The following ANO4 variants were observed in gnomAD, a reference collection of about 807,000 sequenced individuals.
ANO4 encodes anoctamin-4.
In ANO4, 69 loss-of-function variants were observed where a neutral mutation model predicts 141.9. The ratio of observed to expected loss-of-function variants is 0.49; its 90% CI spans 0.40 to 0.59. The LOEUF (loss-of-function observed/expected upper bound fraction) is 0.59. Among genes scored for constraint, ANO4 ranks in the 20% least tolerant of loss-of-function variants. The pLI is 0.00. For missense variants in ANO4, 894 were observed against 1,162.2 expected, an observed-to-expected ratio of 0.77 and a Z score of 3.36; for synonymous variants, 350 against 394.3, an observed-to-expected ratio of 0.89 and a Z score of 1.33.
chr12:101,010,402 A>G (rs2046036803), intron 8 of ANO4, among the ~76,000 whole-genome samples: 1 of 152,252 alleles, frequency 6.6e-6, no homozygotes, highest in African/African-American at 2.4e-5. Context: ...TTTACATTTC[A>G]GTAACCTGTC....
At chr12:100,726,904 T>TACAC (rs147165877) in intron 1 of ANO4, among the ~76,000 whole-genome samples, 3 of 150,848 alleles carry the variant, frequency 2.0e-5, no homozygotes, top group South Asian at 2.1e-4. Flanking sequence ...TGGTAATTTA[T>TACAC]ACACACACAC....
chr12:100,912,884 A>G (rs765835183), intron 2 of ANO4, among the ~76,000 whole-genome samples: 4 of 152,220 alleles, frequency 2.6e-5, no homozygotes, highest in Non-Finnish European at 5.9e-5. Context: ...TGCCTTTCAG[A>G]ACAGTTAGTG....
At chr12:100,869,536 T>C (rs2038931303) in intron 1 of ANO4, among the ~76,000 whole-genome samples, 1 of 152,150 alleles carries the variant, frequency 6.6e-6, no homozygotes, top group African/African-American at 2.4e-5. Flanking sequence ...GTTATCAGGG[T>C]CACATTCCCT....
At chr12:100,896,505 T>C (rs2040362819) in intron 1 of ANO4, among the ~76,000 whole-genome samples, 1 of 152,130 alleles carries the variant, frequency 6.6e-6, no homozygotes, top group Non-Finnish European at 1.5e-5. Flanking sequence ...TGCACTTCTG[T>C]GGAAACAGGG....
chr12:100,990,890 G>A (rs1164446828), intron 8 of ANO4, among the ~76,000 whole-genome samples: 1 of 152,168 alleles, frequency 6.6e-6, no homozygotes, highest in African/African-American at 2.4e-5. Context: ...AGGATGGAGT[G>A]TTTTGAGGAA....
At chr12:100,803,643 G>T (rs2034825568) in intron 1 of ANO4, among the ~76,000 whole-genome samples, 1 of 152,108 alleles carries the variant, frequency 6.6e-6, no homozygotes, top group South Asian at 2.1e-4. Flanking sequence ...GGGCTCTGGG[G>T]CAGACATTGT....
chr12:101,025,655 A>G (rs963204163), intron 9 of ANO4, among the ~76,000 whole-genome samples: 1 of 152,240 alleles, frequency 6.6e-6, no homozygotes, highest in Non-Finnish European at 1.5e-5. Context: ...AATACTCAGA[A>G]AAGTCTTTCC....
intron 16 of ANO4, among the ~76,000 whole-genome samples, chr12:101,084,713 C>A (rs890279031): frequency 6.6e-6 from 1 of 152,184 alleles, no homozygotes; most frequent in Non-Finnish European, 1.5e-5. Context: ...TGCTTTTAAG[C>A]AACTGTGTCA....
intron 14 of ANO4, among the ~76,000 whole-genome samples, chr12:101,062,742 G>C (rs1340682525): frequency 6.6e-6 from 1 of 152,200 alleles, no homozygotes; most frequent in Non-Finnish European, 1.5e-5. Flanking sequence ...CCCCCACCAA[G>C]CTTGAGCATC....
chr12:100,965,981 A>G (rs539310523), intron 5 of ANO4, among the ~76,000 whole-genome samples: 341 of 152,216 alleles, frequency 2.2e-3, no homozygotes, highest in Middle Eastern at 3.4e-3. Flanking sequence ...CACTTAATGA[A>G]CATTTTTGGG....
At chr12:100,857,487 G>A (rs1480168943) in intron 1 of ANO4, among the ~76,000 whole-genome samples, 1 of 152,082 alleles carries the variant, frequency 6.6e-6, no homozygotes, top group Non-Finnish European at 1.5e-5. Flanking sequence ...AAGGCACAGA[G>A]CATGTAATTA....
Position 100,900,257 on chromosome 12 carries a change from C to T in ANO4, c.-140-1389C>T, listed in dbSNP as rs61947081. 4.4e-3 allele frequency among the ~76,000 whole-genome samples: 662 copies of T among 151,968 alleles called. 3 individuals are homozygous for T. Among genetic ancestry groups the T allele is most frequent in the South Asian group, 0.011 (51 of 4,806 alleles). ...TCTCCCTACTTCCTTCTCTCTCTCT[C>T]CCTCTCCCACCCTCCCTCCTTCTTT... On this transcript the variant is annotated intron_variant, in intron 1 of 27. Coordinates refer to ENST00000392977, the MANE Select transcript of ANO4 (RefSeq NM_001286615.2).
intron 2 of ANO4, among the ~76,000 whole-genome samples, chr12:100,737,367 C>A (rs547097126): frequency 4.5e-4 from 68 of 152,198 alleles, no homozygotes; most frequent in Non-Finnish European, 8.7e-4. Context: ...GGCCATTGCT[C>A]TAGGAGCTGA....
intron 3 of ANO4, among the ~76,000 whole-genome samples, chr12:100,759,483 A>G (rs772576019): frequency 5.3e-5 from 8 of 152,132 alleles, no homozygotes; most frequent in Non-Finnish European, 1.2e-4. Context: ...GGATATCAAG[A>G]GGGACTGGGC....
chr12:100,784,086 C>T (rs2033790173), intron 3 of ANO4, among the ~76,000 whole-genome samples: 1 of 152,150 alleles, frequency 6.6e-6, no homozygotes, highest in South Asian at 2.1e-4. Flanking sequence ...TTGTATTTTG[C>T]TTAACCCCTT....
intron 3 of ANO4, among the ~76,000 whole-genome samples, chr12:100,742,794 A>G (rs1297095043): frequency 1.3e-5 from 2 of 152,176 alleles, no homozygotes; most frequent in African/African-American, 4.8e-5. Flanking sequence ...TGTGTTCGCT[A>G]TTGTCACCAT....
At chr12:100,959,247 G>T (rs1029410574) in intron 5 of ANO4, among the ~76,000 whole-genome samples, 1 of 152,042 alleles carries the variant, frequency 6.6e-6, no homozygotes, top group African/African-American at 2.4e-5. Context: ...GTGCTGTCGC[G>T]GGAGCTCTCC....
chr12:100,997,127 A>C (rs1326572191), intron 8 of ANO4, among the ~76,000 whole-genome samples: 1 of 152,070 alleles, frequency 6.6e-6, no homozygotes, highest in African/African-American at 2.4e-5. Flanking sequence ...CGAGGTCAGC[A>C]GTTTGAGACC....
intron 1 of ANO4, among the ~76,000 whole-genome samples, chr12:100,819,047 G>A (rs113082809): frequency 9.1e-5 from 12 of 131,202 alleles, no homozygotes; most frequent in East Asian, 2.1e-4. Flanking sequence ...ATATATATAT[G>A]TGTATATATA....
Sources: gnomAD v4.1 joint callset for allele counts (sites outside exome capture counted in the v4.1 genomes callset) on GRCh38, gnomAD v4.1.1 for gene constraint, MANE v1.5 for transcripts, NCBI Gene and HGNC (gene_info 2026-07-23, HGNC 2026-07-21) for gene names.